PARD3: variants seen among roughly 807,000 people sequenced by gnomAD.
PARD3 encodes par-3 family cell polarity regulator.
In PARD3, 75 loss-of-function variants were observed where a neutral mutation model predicts 155.4. The ratio of observed to expected loss-of-function variants is 0.48; its 90% confidence interval spans 0.40 to 0.58. The LOEUF (loss-of-function observed/expected upper bound fraction) is 0.58, where lower values mean the gene tolerates loss of function less well. PARD3 is among the 20% of genes least tolerant of loss of function. The pLI is 0.00. For synonymous variants in PARD3, 576 were observed against 610.5 expected, an observed-to-expected ratio of 0.94 and a Z score of 0.83; for missense variants, 1,642 against 1,721.7, an observed-to-expected ratio of 0.95 and a Z score of 0.82.
intron 4 of PARD3, among the ~76,000 whole-genome samples, chr10:34,458,327 C>T (rs958138302): frequency 9.2e-5 from 14 of 152,090 alleles, no homozygotes; most frequent in African/African-American, 2.9e-4. Context: ...CTCAGCCTTC[C>T]GAATAGCTGA....
intron 22 of PARD3, among the ~76,000 whole-genome samples, chr10:34,245,400 G>A (rs1034073301): frequency 2.6e-5 from 4 of 152,086 alleles, no homozygotes; most frequent in African/African-American, 4.8e-5. Context: ...AGAATGCCAC[G>A]CCAAGTAAGT....
At chr10:34,595,883 T>C (rs191385240) in intron 2 of PARD3, among the ~76,000 whole-genome samples, 22 of 152,272 alleles carry the variant, frequency 1.4e-4, no homozygotes, top group Non-Finnish European at 1.5e-4. Flanking sequence ...TCCCAGCACT[T>C]TGGGAGGCCA....
intron 1 of PARD3, among the ~76,000 whole-genome samples, chr10:34,785,067 T>A (rs749139299): frequency 5.3e-5 from 8 of 152,368 alleles, no homozygotes; most frequent in Admixed American, 1.3e-4. Flanking sequence ...TTACTTAATA[T>A]ATGTGCTGCA....
chr10:34,404,694 G>A lies in PARD3; in HGVS notation c.715-2777C>T, dbSNP rs370629298. ...TCAAGATTTAAACAGACCTGGGCGT[G>A]AATAGCAATTCTATCATTTGCCAAT... On this transcript the variant is annotated intron_variant, in intron 5 of 24. Coordinates refer to ENST00000374788, the MANE Select transcript of PARD3 (RefSeq NM_001184785.2). Among the ~76,000 whole-genome samples, 4 of 152,056 alleles carry A rather than the reference G, an allele frequency of 2.6e-5. No homozygotes were observed. In the South Asian group the frequency reaches 8.3e-4, roughly 32 times the overall value.
At chr10:34,533,522 G>A (rs2083003195) in intron 2 of PARD3, among the ~76,000 whole-genome samples, 1 of 151,994 alleles carries the variant, frequency 6.6e-6, no homozygotes, top group East Asian at 1.9e-4. Context: ...AAATATGATT[G>A]CAGGCAGGGT....
At chr10:34,776,285 C>G (rs1312448570) in intron 1 of PARD3, among the ~76,000 whole-genome samples, 2 of 152,186 alleles carry the variant, frequency 1.3e-5, no homozygotes, top group Admixed American at 1.3e-4. Flanking sequence ...CTAATTTTGA[C>G]AAGTCCAAGA....
chr10:34,651,683 C>G (rs2093018836), intron 2 of PARD3, among the ~76,000 whole-genome samples: 1 of 152,158 alleles, frequency 6.6e-6, no homozygotes, highest in Non-Finnish European at 1.5e-5. Flanking sequence ...GAGACCCGAG[C>G]TTTGCAAAAA....
intron 2 of PARD3, among the ~76,000 whole-genome samples, chr10:34,634,998 T>C (rs116359199): frequency 5.7e-4 from 87 of 152,346 alleles, no homozygotes; most frequent in African/African-American, 2.0e-3. Flanking sequence ...CGGCCTACAC[T>C]GGGTCCCCAA....
intron 21 of PARD3, among the ~76,000 whole-genome samples, chr10:34,278,755 T>G (rs1043317613): frequency 2.6e-5 from 4 of 152,300 alleles, no homozygotes; most frequent in South Asian, 2.1e-4. Context: ...ACTTTATAAA[T>G]TACCCAGTCT....
chr10:34,781,443 G>C (rs1192031694), intron 1 of PARD3, among the ~76,000 whole-genome samples: 4 of 152,206 alleles, frequency 2.6e-5, no homozygotes, highest in Non-Finnish European at 5.9e-5. Context: ...AGGTCTGCCA[G>C]ATTTCAGCCT....
intron 2 of PARD3, among the ~76,000 whole-genome samples, chr10:34,607,373 G>A (rs1001095980): frequency 1.3e-5 from 2 of 152,166 alleles, no homozygotes; most frequent in Non-Finnish European, 2.9e-5. Context: ...TCAAGATGAG[G>A]CTTAAATGAT....
chr10:34,571,191 G>A (rs1429094606), intron 2 of PARD3, among the ~76,000 whole-genome samples: 1 of 152,122 alleles, frequency 6.6e-6, no homozygotes. Flanking sequence ...GCACACACCT[G>A]TAGTCTTAGC....
At chr10:34,595,853 G>C (rs117685777) in intron 2 of PARD3, among the ~76,000 whole-genome samples, 208 of 152,204 alleles carry the variant, frequency 1.4e-3, no homozygotes, top group Non-Finnish European at 2.0e-3. Flanking sequence ...GAAGCCAGGT[G>C]CAGTGACTCA....
intron 2 of PARD3, among the ~76,000 whole-genome samples, chr10:34,561,685 A>G (rs931852553): frequency 4.0e-5 from 6 of 151,576 alleles, no homozygotes; most frequent in Non-Finnish European, 8.8e-5. Flanking sequence ...TGCCTGGCTG[A>G]TCTTGTATTT....
chr10:34,189,973 T>A (rs1356342493), intron 22 of PARD3, among the ~76,000 whole-genome samples: 1 of 152,202 alleles, frequency 6.6e-6, no homozygotes. Context: ...TATCTTTTTT[T>A]ATTGTATGAC....
chr10:34,679,312 A>G (rs2093767726), intron 2 of PARD3, among the ~76,000 whole-genome samples: 2 of 152,182 alleles, frequency 1.3e-5, no homozygotes, highest in African/African-American at 4.8e-5. Context: ...TGCACCAGTC[A>G]AACAGGCCGG....
At chr10:34,696,263 A>C in intron 2 of PARD3, 55 bp downstream of exon 2, 1 of 884,170 alleles carries the variant, frequency 1.1e-6, no homozygotes, top group Non-Finnish European at 1.8e-6. Flanking sequence ...CCCGCTCCCT[A>C]GTCCTCAAAA....
intron 2 of PARD3, among the ~76,000 whole-genome samples, chr10:34,666,209 G>C (rs1385125374): frequency 9.1e-6 from 1 of 110,294 alleles, no homozygotes; most frequent in South Asian, 3.6e-4. Flanking sequence ...GACAGAGCAA[G>C]ATCTTATCAA....
At chr10:34,760,372 C>T (rs909311851) in intron 1 of PARD3, among the ~76,000 whole-genome samples, 8 of 152,136 alleles carry the variant, frequency 5.3e-5, no homozygotes, top group African/African-American at 1.9e-4. Flanking sequence ...CACTGTGCCA[C>T]CCAGGCTGGA....
Sources: allele counts gnomAD v4.1 joint callset (sites outside exome capture counted in the v4.1 genomes callset), GRCh38; gene constraint gnomAD v4.1.1; transcripts MANE v1.5; gene names NCBI Gene and HGNC (gene_info 2026-07-23, HGNC 2026-07-21).